Variants in HYDIN observed in about 807,000 individuals in gnomAD.
HYDIN encodes axonemal central pair apparatus protein HYDIN.
A neutral mutation model predicts 403.9 loss-of-function variants in HYDIN; 132 were observed. The observed-to-expected ratio is 0.33, with a 90% confidence interval of 0.28 to 0.38. HYDIN has a LOEUF of 0.38. HYDIN is among the 10% of genes least tolerant of loss of function. The pLI is 1.00. For missense variants in HYDIN, 2,827 were observed against 5,009.5 expected (o/e 0.56, Z 13.15); for synonymous variants, 1,202 against 1,891.7 (o/e 0.64, Z 9.46).
chr16:70,900,210 C>T (rs1226411376), intron 53 of HYDIN, among the ~76,000 whole-genome samples: 2 of 152,020 alleles, frequency 1.3e-5, no homozygotes, highest in Non-Finnish European at 2.9e-5. Context: ...TCGGGAGGCA[C>T]CATGCCTGTA....
At chr16:70,984,068 G>C (rs757166698) in intron 28 of HYDIN, among the ~76,000 whole-genome samples, 1 of 152,192 alleles carries the variant, frequency 6.6e-6, no homozygotes, top group Non-Finnish European at 1.5e-5. Flanking sequence ...CAAAACACAA[G>C]AGTGAATTTG....
intron 1 of HYDIN, among the ~76,000 whole-genome samples, chr16:71,219,539 T>C (rs2089082914): frequency 6.6e-6 from 1 of 152,192 alleles, no homozygotes; most frequent in African/African-American, 2.4e-5. Context: ...TGCTGGTTTA[T>C]TTGAACCAAT....
At chr16:70,835,559 G>T in intron 78 of HYDIN, 117 bp downstream of exon 78, 2 of 692,680 alleles carry the variant, frequency 2.9e-6, no homozygotes, top group Non-Finnish European at 5.0e-6. Flanking sequence ...AAGGCTCTTA[G>T]AATGGTCTGG....
chr16:70,895,757 C>T, intron 54 of HYDIN, among the ~76,000 whole-genome samples: 1 of 152,082 alleles, frequency 6.6e-6, no homozygotes, highest in South Asian at 2.1e-4. Context: ...AAGAGCTCTG[C>T]AAATTTTACA....
chr16:70,960,230 G>A (rs1242424783), intron 38 of HYDIN, among the ~76,000 whole-genome samples: 1 of 150,568 alleles, frequency 6.6e-6, no homozygotes, highest in African/African-American at 2.5e-5. Context: ...TGATGACTTC[G>A]GTATCACAGA....
chr16:71,070,072 G>C (rs983950643), intron 13 of HYDIN, among the ~76,000 whole-genome samples: 9 of 152,238 alleles, frequency 5.9e-5, no homozygotes, highest in African/African-American at 2.2e-4. Flanking sequence ...TTTCCCAAGA[G>C]AGACTTTACA....
rs773615933 is a variant in HYDIN at position 70,807,835 on chromosome 16, G to A, written c.15111C>T (p.Ser5037=). Residue 5037 remains serine (S), a synonymous_variant, in exon 86 of 86, where the codon AGC becomes AGT. Coordinates refer to ENST00000393567, the MANE Select transcript of HYDIN (RefSeq NM_001270974.2). ...AGACATTCTTGAAGGGGATGATTAT[G>A]CTGTACCCGGCTCGGATCGAGAAGG... ...QGPFSIRAGY[S]IIIPFKNVFY... is the part of the protein sequence containing the mutation. 19 of 1,614,080 alleles carry A rather than the reference G, an allele frequency of 1.2e-5. No homozygotes were observed. Among genetic ancestry groups the A allele is most frequent in the Non-Finnish European group, 1.6e-5 (19 of 1,180,028 alleles).
intron 45 of HYDIN, among the ~76,000 whole-genome samples, chr16:70,934,550 C>T (rs1481931281): frequency 6.6e-6 from 1 of 152,176 alleles, no homozygotes; most frequent in African/African-American, 2.4e-5. Context: ...CATCTAGTCT[C>T]AGCAGTTTTT....
chr16:71,029,722 G>C (rs889744989), intron 19 of HYDIN, among the ~76,000 whole-genome samples: 1 of 148,466 alleles, frequency 6.7e-6, no homozygotes, highest in African/African-American at 2.5e-5. Context: ...CATGTGACTT[G>C]CTTTTTACTT....
intron 7 of HYDIN, among the ~76,000 whole-genome samples, chr16:71,146,060 A>T (rs2085356092): frequency 6.6e-6 from 1 of 152,256 alleles, no homozygotes; most frequent in Non-Finnish European, 1.5e-5. Flanking sequence ...TTATACCCAT[A>T]TGCTAGATTG....
chr16:70,823,945 A>T (rs2036421342), intron 83 of HYDIN, among the ~76,000 whole-genome samples: 1 of 147,300 alleles, frequency 6.8e-6, no homozygotes, highest in Non-Finnish European at 1.5e-5. Flanking sequence ...GAGAACCAGG[A>T]TAATCATGGG....
chr16:71,087,919 A>C (rs1227367875), intron 12 of HYDIN: 1 of 156,230 alleles, frequency 6.4e-6, no homozygotes, highest in Admixed American at 6.4e-5. Context: ...ATAAGAACAA[A>C]AGACAAAAGT....
chr16:71,016,949 G>A (rs1051341786), intron 23 of HYDIN, among the ~76,000 whole-genome samples: 3 of 151,054 alleles, frequency 2.0e-5, no homozygotes, highest in Non-Finnish European at 4.4e-5. Flanking sequence ...CATGCTGAGG[G>A]AGGGACCTGA....
chr16:71,195,466 A>G (rs909515747), intron 1 of HYDIN, among the ~76,000 whole-genome samples: 3 of 152,170 alleles, frequency 2.0e-5, no homozygotes, highest in African/African-American at 7.2e-5. Flanking sequence ...ATATCAAATT[A>G]AAAACAAGGA....
chr16:70,893,506 T>G (rs1289432788), intron 55 of HYDIN: 1 of 150,474 alleles, frequency 6.6e-6, no homozygotes, highest in Non-Finnish European at 1.5e-5. Flanking sequence ...TGTTACTTTT[T>G]CTTTTCTTTT....
chr16:71,048,852 T>A (rs2081538531), intron 18 of HYDIN, among the ~76,000 whole-genome samples: 1 of 152,196 alleles, frequency 6.6e-6, no homozygotes, highest in Admixed American at 6.5e-5. Flanking sequence ...CCTGCACATG[T>A]ACCCCTGAAT....
intron 9 of HYDIN, among the ~76,000 whole-genome samples, chr16:71,117,995 A>T (rs982486939): frequency 1.3e-5 from 2 of 151,924 alleles, no homozygotes; most frequent in African/African-American, 4.9e-5. Context: ...TTTATAGAGT[A>T]AGAATGTTTC....
At chr16:71,137,860 A>G (rs1476336960) in intron 7 of HYDIN, among the ~76,000 whole-genome samples, 1 of 151,970 alleles carries the variant, frequency 6.6e-6, no homozygotes, top group Non-Finnish European at 1.5e-5. Context: ...GACTACTTAA[A>G]AGAAACCACA....
chr16:71,042,390 T>G (rs1568043770), intron 18 of HYDIN, among the ~76,000 whole-genome samples: 1 of 152,076 alleles, frequency 6.6e-6, no homozygotes, highest in Non-Finnish European at 1.5e-5. Context: ...AAGTTTTCAG[T>G]TTGCACATTA....
Sources: gnomAD v4.1 joint callset for allele counts (sites outside exome capture counted in the v4.1 genomes callset) on GRCh38, gnomAD v4.1.1 for gene constraint, MANE v1.5 for transcripts, NCBI Gene and HGNC (gene_info 2026-07-23, HGNC 2026-07-21) for gene names.